Variants in PRKD1 observed in about 807,000 individuals in gnomAD.
PRKD1 encodes serine/threonine-protein kinase D1.
Under a neutral mutation model 95.9 loss-of-function variants are expected in PRKD1, and 63 were observed. The ratio of observed to expected loss-of-function variants is 0.66; its 90% CI spans 0.54 to 0.81. The LOEUF is 0.81. Among genes scored for constraint, PRKD1 ranks in the 30% least tolerant of loss-of-function variants. The probability of loss-of-function intolerance (pLI) is 0.00; values close to 1 mark genes in which losing one functional copy is unlikely to be tolerated. For missense variants in PRKD1, 1,048 were observed against 1,165.3 expected, an observed-to-expected ratio of 0.90 and a Z score of 1.47; for synonymous variants, 425 against 423.1, an observed-to-expected ratio of 1.00 and a Z score of -0.05.
intron 1 of PRKD1, among the ~76,000 whole-genome samples, chr14:29,774,885 T>G (rs1424916034): frequency 6.6e-6 from 1 of 151,984 alleles, no homozygotes; most frequent in Non-Finnish European, 1.5e-5. Flanking sequence ...ATGATAATAG[T>G]GGTGCTTTAT....
chr14:29,619,051 T>C (rs1879066273), intron 13 of PRKD1, among the ~76,000 whole-genome samples: 1 of 152,174 alleles, frequency 6.6e-6, no homozygotes, highest in African/African-American at 2.4e-5. Context: ...GACCACAAAG[T>C]AGAAGATACC....
intron 2 of PRKD1, among the ~76,000 whole-genome samples, chr14:29,673,287 G>A (rs1882970590): frequency 6.6e-6 from 1 of 152,162 alleles, no homozygotes; most frequent in Non-Finnish European, 1.5e-5. Flanking sequence ...ATTATTTTAT[G>A]CCATCTACCT....
rs186638887 is a variant in PRKD1, at chr14:29,586,879, C to T, written c.2435-8519G>A. Among the ~76,000 whole-genome samples the T allele has an allele frequency of 4.6e-3, 698 of 152,254 alleles. 5 individuals carry two copies. The highest frequency in any genetic ancestry group is 0.016 in the African/African-American group (672 of 41,546). ...ACCTCACATGATCTGCCCACCCTGG[C>T]CTCCCAAAGTGCTGGGATTACAGGT... On this transcript the variant is annotated intron_variant, in intron 16 of 17. Transcript: ENST00000331968.
intron 4 of PRKD1, among the ~76,000 whole-genome samples, chr14:29,639,389 G>A (rs547842918): frequency 6.6e-6 from 1 of 152,252 alleles, no homozygotes; most frequent in Non-Finnish European, 1.5e-5. Flanking sequence ...GGAGGCCAAG[G>A]CGGGTGGATC....
At chr14:29,698,856 A>C (rs1884674411) in intron 2 of PRKD1, among the ~76,000 whole-genome samples, 1 of 152,156 alleles carries the variant, frequency 6.6e-6, no homozygotes, top group Non-Finnish European at 1.5e-5. Context: ...GAAGTAAAAG[A>C]AACTGTGTTG....
intron 2 of PRKD1, among the ~76,000 whole-genome samples, chr14:29,670,381 A>G (rs374131875): frequency 6.6e-6 from 1 of 152,210 alleles, no homozygotes; most frequent in African/African-American, 2.4e-5. Context: ...ACTTCATCCA[A>G]GAGAGGAATT....
intron 15 of PRKD1, among the ~76,000 whole-genome samples, chr14:29,598,084 T>C (rs962523904): frequency 2.0e-5 from 3 of 148,976 alleles, no homozygotes; most frequent in African/African-American, 7.8e-5. Context: ...AAGACCAGTC[T>C]AGGCACATAG....
intron 1 of PRKD1, among the ~76,000 whole-genome samples, chr14:29,742,930 C>A (rs545979309): frequency 5.6e-4 from 85 of 152,240 alleles, no homozygotes; most frequent in Non-Finnish European, 1.1e-3. Flanking sequence ...GCCCTCACCC[C>A]CATGAAGGTC....
At chr14:29,741,383 T>C (rs1886973585) in intron 1 of PRKD1, among the ~76,000 whole-genome samples, 1 of 152,240 alleles carries the variant, frequency 6.6e-6, no homozygotes, top group African/African-American at 2.4e-5. Context: ...ACATATGTCA[T>C]GTGTATATAC....
chr14:29,636,695 G>T (rs1419723276), intron 6 of PRKD1, among the ~76,000 whole-genome samples: 2 of 152,096 alleles, frequency 1.3e-5, no homozygotes, highest in Non-Finnish European at 2.9e-5. Context: ...CTTGTGTCAT[G>T]GGGGTTTGTT....
intron 1 of PRKD1, among the ~76,000 whole-genome samples, chr14:29,843,689 A>T (rs936876018): frequency 6.6e-6 from 1 of 152,240 alleles, no homozygotes; most frequent in African/African-American, 2.4e-5. Flanking sequence ...TTCAGTAAGC[A>T]AAAGCAGACA....
At chr14:29,899,728 TAATG>T (rs1416775659) in intron 1 of PRKD1, among the ~76,000 whole-genome samples, 6 of 152,262 alleles carry the variant, frequency 3.9e-5, no homozygotes, top group Non-Finnish European at 7.3e-5. Flanking sequence ...GTAATGTTAT[TAATG>T]AATGTGTCAT....
chr14:29,653,266 G>C (rs929131951), intron 4 of PRKD1, among the ~76,000 whole-genome samples: 4 of 152,084 alleles, frequency 2.6e-5, no homozygotes, highest in African/African-American at 7.2e-5. Flanking sequence ...TAGAATGAGC[G>C]ATTTATTTCC....
At chr14:29,683,758 A>T (rs1883677817) in intron 2 of PRKD1, among the ~76,000 whole-genome samples, 2 of 152,348 alleles carry the variant, frequency 1.3e-5, no homozygotes, top group Non-Finnish European at 2.9e-5. Context: ...TACACAGTGA[A>T]AATGCAGGCC....
chr14:29,644,410 G>T (rs1479871235), intron 4 of PRKD1, among the ~76,000 whole-genome samples: 1 of 152,174 alleles, frequency 6.6e-6, no homozygotes, highest in African/African-American at 2.4e-5. Flanking sequence ...AGGAATGGTT[G>T]AGACTATAGT....
At chr14:29,889,451 T>C (rs1487748670) in intron 1 of PRKD1, among the ~76,000 whole-genome samples, 1 of 152,140 alleles carries the variant, frequency 6.6e-6, no homozygotes, top group African/African-American at 2.4e-5. Context: ...AGCAAGGGGC[T>C]GGGGGATTTC....
intron 1 of PRKD1, among the ~76,000 whole-genome samples, chr14:29,767,276 C>A (rs1377429253): frequency 1.3e-5 from 2 of 152,130 alleles, no homozygotes; most frequent in Non-Finnish European, 2.9e-5. Context: ...CAGTTAATGT[C>A]ACCTAATTTA....
Position 29,576,766 on chromosome 14 carries a change from C to T in PRKD1, c.*472G>A, listed in dbSNP as rs565363579. On this transcript the variant is annotated 3_prime_UTR_variant, in exon 18 of 18. Transcript: ENST00000331968. Reference sequence around the variant, plus strand: ...TGTGTCTTAGGATTTTATTCCCTACCCTCCTCATTCATTTTTTTCCCACAT... The same window carrying T: ...TGTGTCTTAGGATTTTATTCCCTACTCTCCTCATTCATTTTTTTCCCACAT... The T allele has an allele frequency of 1.1e-5, 2 of 175,320 alleles. No individual in the cohort carries two copies. Among genetic ancestry groups the T allele is most frequent in the African/African-American group, 2.4e-5 (1 of 42,264 alleles). 10.9% of individuals were successfully genotyped at this position (175,320 alleles called of 1,614,324 possible). A position where few individuals can be genotyped will look rare whatever the true frequency, so the allele number is the denominator to read the frequency against.
chr14:29,659,795 G>A (rs865850659), intron 4 of PRKD1, among the ~76,000 whole-genome samples: 8 of 152,020 alleles, frequency 5.3e-5, no homozygotes, highest in African/African-American at 1.7e-4. Flanking sequence ...TTTAAATAAC[G>A]TTGTCTGTCT....
Sources: gnomAD v4.1 joint callset for allele counts (sites outside exome capture counted in the v4.1 genomes callset) on GRCh38, gnomAD v4.1.1 for gene constraint, MANE v1.5 for transcripts, NCBI Gene and HGNC (gene_info 2026-07-23, HGNC 2026-07-21) for gene names.